CSMD1: variants seen among roughly 807,000 people sequenced by gnomAD.
CSMD1 encodes the protein CUB and sushi domain-containing protein 1.
A neutral mutation model predicts 417.5 loss-of-function variants in CSMD1; 213 were observed. That is an observed-to-expected ratio of 0.51 (90% CI 0.46 to 0.57). The LOEUF is 0.57. Among genes scored for constraint, CSMD1 ranks in the 20% least tolerant of loss-of-function variants. The pLI, the probability that CSMD1 is intolerant of heterozygous loss-of-function variation, is 0.00. For synonymous variants in CSMD1, 2,862 were observed against 1,736.8 expected, an observed-to-expected ratio of 1.65 and a Z score of -16.11; for missense variants, 6,923 against 4,529.7, an observed-to-expected ratio of 1.53 and a Z score of -15.17.
chr8:4,512,665 TA>T (rs1802885790), intron 2 of CSMD1, among the ~76,000 whole-genome samples: 1 of 152,010 alleles, frequency 6.6e-6, no homozygotes, highest in African/African-American at 2.4e-5. Context: ...AATTCAAAAT[TA>T]AATATAATAA....
rs33935906 is a variant in CSMD1, at chr8:4,351,949, A to ATTTTTT, written c.415+67998_415+68003dup. Among the ~76,000 whole-genome samples the ATTTTTT allele has an allele frequency of 3.5e-5, 5 of 141,698 alleles. 1 individual carries two copies. The highest frequency in any genetic ancestry group is 3.0e-5 in the Non-Finnish European group (2 of 65,884). The allele number at this position is 141,698 out of a possible 152,430, so 93.0% of individuals were successfully genotyped here. A position where few individuals can be genotyped will look rare whatever the true frequency, so the allele number is the denominator to read the frequency against. On this transcript the variant is annotated intron_variant, in intron 3 of 69. Coordinates refer to ENST00000635120, the MANE Select transcript of CSMD1 (RefSeq NM_033225.6). Reference sequence around the variant, plus strand: ...TTCAAGGTAACATTGCCTTTATGCTATTTTTTTTTTTTTTTCAGAAAAAAA... The same window carrying ATTTTTT: ...TTCAAGGTAACATTGCCTTTATGCTATTTTTTTTTTTTTTTTTTTTTCAGAAAAAAA...
intron 5 of CSMD1, among the ~76,000 whole-genome samples, chr8:3,890,857 C>T (rs1806925142): frequency 6.6e-6 from 1 of 152,164 alleles, no homozygotes; most frequent in East Asian, 1.9e-4. Flanking sequence ...TAAGTATATA[C>T]AATGAGAGGA....
intron 3 of CSMD1, among the ~76,000 whole-genome samples, chr8:4,343,435 G>C (rs1800595031): frequency 6.6e-6 from 1 of 152,050 alleles, no homozygotes; most frequent in Non-Finnish European, 1.5e-5. Flanking sequence ...ATTAAAAATG[G>C]TCACTATGTG....
At chr8:4,174,551 G>T (rs1584958123) in intron 3 of CSMD1, among the ~76,000 whole-genome samples, 2 of 150,696 alleles carry the variant, frequency 1.3e-5, no homozygotes, top group Admixed American at 1.3e-4. Flanking sequence ...CAAAAGAGAT[G>T]TTTTTATAAA....
chr8:2,980,465 C>A (rs1261886850), intron 54 of CSMD1, among the ~76,000 whole-genome samples: 2 of 151,868 alleles, frequency 1.3e-5, no homozygotes, highest in Non-Finnish European at 1.5e-5. Flanking sequence ...CCCTCTCTTC[C>A]TTCTCTTTCT....
chr8:3,178,713 G>A (rs1031881987), intron 37 of CSMD1, among the ~76,000 whole-genome samples: 1 of 151,980 alleles, frequency 6.6e-6, no homozygotes, highest in African/African-American at 2.4e-5. Flanking sequence ...AGCAAGACCT[G>A]GCATAGAGTA....
At chr8:4,529,869 C>T (rs1796702919) in intron 2 of CSMD1, among the ~76,000 whole-genome samples, 1 of 135,730 alleles carries the variant, frequency 7.4e-6, no homozygotes, top group Non-Finnish European at 1.5e-5. Context: ...ATGCTGCTGC[C>T]ATTGTTTTTT....
chr8:3,615,268 C>T (rs1322275349), intron 8 of CSMD1, among the ~76,000 whole-genome samples: 1 of 152,112 alleles, frequency 6.6e-6, no homozygotes, highest in Non-Finnish European at 1.5e-5. Flanking sequence ...GTGAGGCCTG[C>T]TTGTCAGTAC....
chr8:3,565,215 G>GAGATAGATAGAT (rs377144821), intron 10 of CSMD1, among the ~76,000 whole-genome samples: 7 of 139,172 alleles, frequency 5.0e-5, no homozygotes, highest in Non-Finnish European at 1.1e-4. Flanking sequence ...GATAGATAGA[G>GAGATAGATAGAT]AGATAGACAG....
chr8:4,765,404 T>C (rs761403621), intron 1 of CSMD1, among the ~76,000 whole-genome samples: 6 of 152,236 alleles, frequency 3.9e-5, no homozygotes, highest in East Asian at 1.9e-4. Context: ...TTGAGGATTA[T>C]AGTCTTTCAA....
intron 3 of CSMD1, among the ~76,000 whole-genome samples, chr8:4,349,983 G>T (rs935337967): frequency 6.6e-6 from 1 of 152,048 alleles, no homozygotes; most frequent in Non-Finnish European, 1.5e-5. Context: ...GGGATCCAAA[G>T]TAATAGCTTT....
intron 5 of CSMD1, among the ~76,000 whole-genome samples, chr8:3,758,320 A>C (rs1055703996): frequency 2.0e-5 from 3 of 152,114 alleles, no homozygotes; most frequent in Admixed American, 6.6e-5. Flanking sequence ...CAATTATACA[A>C]TCCATTTTCC....
chr8:3,702,601 C>A (rs1001705901), intron 7 of CSMD1, among the ~76,000 whole-genome samples: 6 of 152,176 alleles, frequency 3.9e-5, no homozygotes, highest in Admixed American at 6.5e-5. Context: ...GAGGCCGAGG[C>A]AGGCAGATCG....
chr8:4,328,957 C>T (rs1179337276), intron 3 of CSMD1, among the ~76,000 whole-genome samples: 1 of 152,194 alleles, frequency 6.6e-6, no homozygotes, highest in Non-Finnish European at 1.5e-5. Context: ...GCAAGTTTAG[C>T]AGAGTATCAC....
At chr8:4,399,329 C>G (rs1563133084) in intron 3 of CSMD1, among the ~76,000 whole-genome samples, 1 of 152,084 alleles carries the variant, frequency 6.6e-6, no homozygotes, top group Non-Finnish European at 1.5e-5. Flanking sequence ...ACAATTTAAA[C>G]AATACACCAT....
chr8:3,687,653 G>C (rs530996336), intron 7 of CSMD1, among the ~76,000 whole-genome samples: 5 of 152,194 alleles, frequency 3.3e-5, no homozygotes, highest in African/African-American at 1.2e-4. Context: ...TTTGTGCTGA[G>C]TGGCGCACGC....
At chr8:3,606,179 G>A (rs1198130354) in intron 8 of CSMD1, among the ~76,000 whole-genome samples, 2 of 152,184 alleles carry the variant, frequency 1.3e-5, no homozygotes, top group African/African-American at 2.4e-5. Flanking sequence ...GTGGGTGGGG[G>A]AGGACAGAGA....
chr8:2,960,455 T>G (rs935901655), intron 62 of CSMD1, among the ~76,000 whole-genome samples: 1 of 152,220 alleles, frequency 6.6e-6, no homozygotes, highest in Non-Finnish European at 1.5e-5. Flanking sequence ...GTTTTCAAAG[T>G]CATCCAACCA....
chr8:3,733,364 A>T (rs1584918625), intron 6 of CSMD1, among the ~76,000 whole-genome samples: 1 of 148,012 alleles, frequency 6.8e-6, no homozygotes, highest in Non-Finnish European at 1.5e-5. Flanking sequence ...TATATAATAT[A>T]TATATAAAAT....
Sources: allele counts gnomAD v4.1 joint callset (sites outside exome capture counted in the v4.1 genomes callset), GRCh38; gene constraint gnomAD v4.1.1; transcripts MANE v1.5; gene names NCBI Gene and HGNC (gene_info 2026-07-23, HGNC 2026-07-21).